Variants in DAB1 observed in about 807,000 individuals in gnomAD.
DAB1 encodes disabled homolog 1.
DAB1 carries 15 observed loss-of-function variants against 64.6 expected under a neutral mutation model. The ratio of observed to expected loss-of-function variants is 0.23; its 90% CI spans 0.16 to 0.36. The LOEUF (loss-of-function observed/expected upper bound fraction) is 0.36, where lower values mean the gene tolerates loss of function less well. Among genes scored for constraint, DAB1 ranks in the 10% least tolerant of loss-of-function variants. DAB1 has a pLI of 1.00. For missense variants in DAB1, 596 were observed against 706.7 expected (o/e 0.84, Z 1.78); for synonymous variants, 235 against 251.9 (o/e 0.93, Z 0.64).
chr1:57,328,315 G>A (rs899859388), intron 1 of DAB1, among the ~76,000 whole-genome samples: 49 of 152,242 alleles, frequency 3.2e-4, no homozygotes, highest in African/African-American at 1.0e-3. Context: ...TTTTCATCTC[G>A]CTTGCCACAT....
Position 57,741,565 on chromosome 1 carries a change from T to C in DAB1, n.552-91900A>G, listed in dbSNP as rs144131438. On this transcript the variant is annotated intron_variant and non_coding_transcript_variant, in intron 6 of 20. Transcript: ENST00000485760. ...TGAGGAAGTGATGTCAGTTTCCCAG[T>C]TGGGACCATTTACTGAATAATGCTC... Among the ~76,000 whole-genome samples, 124 of 152,328 alleles carry C rather than the reference T, an allele frequency of 8.1e-4. 1 individual carries two copies. Among genetic ancestry groups the C allele is most frequent in the African/African-American group, 2.9e-3 (119 of 41,586 alleles).
At chr1:58,534,230 A>C in intron 1 of DAB1, 1 of 872,032 alleles carries the variant, frequency 1.1e-6, no homozygotes, top group Non-Finnish European at 2.0e-6. Context: ...AGATCCCTGG[A>C]ACATCTTTAT....
At position 58,245,719 on chromosome 1, in the gene DAB1, C is replaced by G. The variant is rs568687400; in HGVS notation, n.310-95131G>C. On this transcript the variant is annotated intron_variant and non_coding_transcript_variant, in intron 4 of 20. Coordinates refer to the DAB1 transcript ENST00000485760. ...GTAAAATAAGGATTACAACACCAGTCACATCGGGCTACTGTGAAGATTAAG... is the reference window on the plus strand; with the variant it reads ...GTAAAATAAGGATTACAACACCAGTGACATCGGGCTACTGTGAAGATTAAG... Among the ~76,000 whole-genome samples the G allele has an allele frequency of 2.1e-4, 32 of 152,224 alleles. No homozygotes were observed. The South Asian group carries it at 6.6e-3, about 32-fold the overall frequency.
At chr1:58,106,841 TCATC>T (rs1651670660) in intron 5 of DAB1, among the ~76,000 whole-genome samples, 2 of 136,050 alleles carry the variant, frequency 1.5e-5, no homozygotes, top group East Asian at 2.7e-4. Flanking sequence ...CCTCCCTCCT[TCATC>T]CCTCCCTCCC....
At chr1:58,516,513 C>T (rs962356597) in intron 2 of DAB1, among the ~76,000 whole-genome samples, 5 of 152,096 alleles carry the variant, frequency 3.3e-5, no homozygotes, top group African/African-American at 1.2e-4. Flanking sequence ...CTATATTAAT[C>T]ATTCTGATAA....
intron 3 of DAB1, among the ~76,000 whole-genome samples, chr1:58,495,305 A>G (rs947485979): frequency 3.9e-5 from 6 of 152,078 alleles, no homozygotes; most frequent in African/African-American, 1.2e-4. Flanking sequence ...GCATTAGGAG[A>G]TATACCTAAT....
chr1:57,657,376 AC>A (rs1247510429), intron 6 of DAB1, among the ~76,000 whole-genome samples: 1 of 152,138 alleles, frequency 6.6e-6, no homozygotes, highest in Non-Finnish European at 1.5e-5. Context: ...GAGCAGTAAA[AC>A]CCCTAGGGGA....
At chr1:57,882,595 T>C (rs1344206566) in intron 1 of DAB1, among the ~76,000 whole-genome samples, 1 of 152,204 alleles carries the variant, frequency 6.6e-6, no homozygotes, top group Non-Finnish European at 1.5e-5. Flanking sequence ...TGGCCTTTAA[T>C]AAACCCTCTA....
At chr1:58,509,875 C>G (rs1227340198) in intron 2 of DAB1, among the ~76,000 whole-genome samples, 10 of 151,892 alleles carry the variant, frequency 6.6e-5, no homozygotes. Context: ...ATTATATGCC[C>G]ACAAACTGGA....
intron 2 of DAB1, among the ~76,000 whole-genome samples, chr1:57,174,287 C>T (rs984232368): frequency 6.6e-6 from 1 of 152,144 alleles, no homozygotes; most frequent in African/African-American, 2.4e-5. Flanking sequence ...ATACCAGATA[C>T]AGACCTGGCC....
chr1:58,027,933 C>T (rs887434695), intron 5 of DAB1, among the ~76,000 whole-genome samples: 14 of 152,144 alleles, frequency 9.2e-5, no homozygotes, highest in Non-Finnish European at 1.8e-4. Context: ...AGCCTGCATG[C>T]TTTGAGGACT....
intron 7 of DAB1, among the ~76,000 whole-genome samples, chr1:57,637,642 T>C (rs1472512317): frequency 6.6e-6 from 1 of 152,166 alleles, no homozygotes; most frequent in South Asian, 2.1e-4. Context: ...GGCCAGGGTA[T>C]GAAGATCTTC....
chr1:58,318,246 A>G (rs956945180), intron 4 of DAB1, among the ~76,000 whole-genome samples: 1 of 152,188 alleles, frequency 6.6e-6, no homozygotes, highest in African/African-American at 2.4e-5. Flanking sequence ...CTGAGCTGGT[A>G]CTGGAGGAGA....
At chr1:57,139,938 G>T (rs1443062844) in intron 3 of DAB1, among the ~76,000 whole-genome samples, 1 of 152,056 alleles carries the variant, frequency 6.6e-6, no homozygotes, top group Non-Finnish European at 1.5e-5. Context: ...TGCTATCTTT[G>T]GGGAAAGAAA....
At chr1:57,424,483 G>A (rs182427133), upstream of DAB1, among the ~76,000 whole-genome samples, 510 of 152,302 alleles carry the variant, frequency 3.3e-3, no homozygotes, top group Non-Finnish European at 6.3e-3. Flanking sequence ...GCGTGGAGAG[G>A]GTAAGGGAGG....
intron 5 of DAB1, among the ~76,000 whole-genome samples, chr1:58,112,647 T>G (rs953471921): frequency 6.6e-6 from 1 of 152,224 alleles, no homozygotes; most frequent in Non-Finnish European, 1.5e-5. Context: ...TGTGTCACTC[T>G]TCATGGAAAC....
intron 5 of DAB1, among the ~76,000 whole-genome samples, chr1:57,952,055 C>T (rs1236948320): frequency 1.3e-5 from 2 of 152,086 alleles, no homozygotes; most frequent in African/African-American, 4.8e-5. Context: ...ACTAATGCAC[C>T]TCCTACTACA....
intron 1 of DAB1, among the ~76,000 whole-genome samples, chr1:57,385,224 G>C (rs1248712557): frequency 4.6e-5 from 7 of 152,308 alleles, no homozygotes; most frequent in Middle Eastern, 3.4e-3. Context: ...AATAAAATAT[G>C]TTACTACATT....
chr1:57,105,493 T>C (rs1350022472), intron 4 of DAB1, among the ~76,000 whole-genome samples: 1 of 152,128 alleles, frequency 6.6e-6, no homozygotes, highest in Non-Finnish European at 1.5e-5. Context: ...CCTGTCACAT[T>C]GTGTTATTAC....
Sources: allele counts gnomAD v4.1 joint callset (sites outside exome capture counted in the v4.1 genomes callset), GRCh38; gene constraint gnomAD v4.1.1; transcripts MANE v1.5; gene names NCBI Gene and HGNC (gene_info 2026-07-23, HGNC 2026-07-21).